Variants in GABBR2 observed in about 807,000 individuals in gnomAD.
The protein encoded by GABBR2 is G-protein coupled receptor 51.
A neutral mutation model predicts 105.6 loss-of-function variants in GABBR2; 23 were observed. The ratio of observed to expected loss-of-function variants is 0.22; its 90% CI spans 0.16 to 0.31. GABBR2 has a LOEUF of 0.31. Ranked by LOEUF, GABBR2 falls within the 10% of genes least tolerant of loss-of-function variation. GABBR2 has a pLI of 1.00. For synonymous variants in GABBR2, 478 were observed against 499.7 expected, an observed-to-expected ratio of 0.96 and a Z score of 0.58; for missense variants, 734 against 1,245.5, an observed-to-expected ratio of 0.59 and a Z score of 6.18.
chr9:98,464,819 C>A (rs1266301309), intron 6 of GABBR2, among the ~76,000 whole-genome samples: 3 of 152,024 alleles, frequency 2.0e-5, no homozygotes, highest in Admixed American at 1.3e-4. Flanking sequence ...TAACCTTACC[C>A]CCAACCCCGT....
At chr9:98,340,819 T>C (rs1037200384) in intron 13 of GABBR2, among the ~76,000 whole-genome samples, 2 of 152,238 alleles carry the variant, frequency 1.3e-5, no homozygotes, top group African/African-American at 2.4e-5. Flanking sequence ...TCTGCCAACA[T>C]GGATGTGTGG....
intron 1 of GABBR2, among the ~76,000 whole-genome samples, chr9:98,692,960 A>G (rs191938312): frequency 6.6e-6 from 1 of 152,294 alleles, no homozygotes; most frequent in Admixed American, 6.5e-5. Flanking sequence ...TATTCCTTGG[A>G]ATGCTCAAAG....
At chr9:98,495,580 C>T (rs995711790) in intron 4 of GABBR2, among the ~76,000 whole-genome samples, 13 of 152,178 alleles carry the variant, frequency 8.5e-5, no homozygotes, top group African/African-American at 3.1e-4. Flanking sequence ...CTACCCCACT[C>T]CAGGTACTTC....
chr9:98,688,929 C>G (rs1469860707), intron 1 of GABBR2, among the ~76,000 whole-genome samples: 1 of 152,120 alleles, frequency 6.6e-6, no homozygotes, highest in African/African-American at 2.4e-5. Context: ...CCGATCTGAG[C>G]CAGATATTGA....
intron 11 of GABBR2, among the ~76,000 whole-genome samples, chr9:98,380,820 A>G (rs1831960345): frequency 6.6e-6 from 1 of 152,218 alleles, no homozygotes; most frequent in Non-Finnish European, 1.5e-5. Context: ...TCGTCCGAGC[A>G]GAGGTGTAGC....
chr9:98,664,939 A>C (rs1157691867), intron 1 of GABBR2, among the ~76,000 whole-genome samples: 1 of 151,766 alleles, frequency 6.6e-6, no homozygotes, highest in Non-Finnish European at 1.5e-5. Context: ...CAGACTGGGC[A>C]ACATAGTGAG....
intron 1 of GABBR2, among the ~76,000 whole-genome samples, chr9:98,695,433 A>G (rs1171349795): frequency 6.6e-6 from 1 of 152,178 alleles, no homozygotes; most frequent in Non-Finnish European, 1.5e-5. Flanking sequence ...CTGAGCTCTC[A>G]GCGCACCTCA....
intron 2 of GABBR2, among the ~76,000 whole-genome samples, chr9:98,574,268 G>T (rs1828879313): frequency 6.6e-6 from 1 of 152,228 alleles, no homozygotes; most frequent in African/African-American, 2.4e-5. Context: ...GAGCTAATTT[G>T]TGTGATCCAC....
chr9:98,580,910 G>T (rs1319981999), intron 1 of GABBR2, among the ~76,000 whole-genome samples: 1 of 151,204 alleles, frequency 6.6e-6, no homozygotes, highest in African/African-American at 2.4e-5. Flanking sequence ...ATTTTTTTCT[G>T]CTTGTTCTCC....
intron 1 of GABBR2, among the ~76,000 whole-genome samples, chr9:98,586,506 A>G (rs1023121289): frequency 6.6e-6 from 1 of 151,888 alleles, no homozygotes; most frequent in African/African-American, 2.4e-5. Flanking sequence ...TGCCATGTTG[A>G]CCAGGCTGGT....
At chr9:98,688,070 T>C (rs1436754568) in intron 1 of GABBR2, among the ~76,000 whole-genome samples, 1 of 152,152 alleles carries the variant, frequency 6.6e-6, no homozygotes, top group Non-Finnish European at 1.5e-5. Context: ...TCAGCTCCCC[T>C]GCCCTCCAGA....
intron 13 of GABBR2, among the ~76,000 whole-genome samples, chr9:98,319,526 C>T (rs1239179299): frequency 4.0e-5 from 6 of 151,452 alleles, no homozygotes; most frequent in Admixed American, 6.6e-5. Flanking sequence ...TCAACATGGG[C>T]ACTTCCAGCC....
chr9:98,615,219 G>A (rs1829563388), intron 1 of GABBR2, among the ~76,000 whole-genome samples: 1 of 152,104 alleles, frequency 6.6e-6, no homozygotes. Context: ...TAGAGCACAC[G>A]GTCAATGCAG....
intron 3 of GABBR2, among the ~76,000 whole-genome samples, chr9:98,499,085 T>C (rs1453928411): frequency 6.6e-6 from 1 of 152,190 alleles, no homozygotes; most frequent in Non-Finnish European, 1.5e-5. Context: ...GACTCAAGGC[T>C]CAGCAAAAAC....
intron 2 of GABBR2, 70 bp from the exon 3 acceptor site, chr9:98,542,113 C>T: frequency 7.5e-7 from 1 of 1,327,410 alleles, no homozygotes; most frequent in Non-Finnish European, 1.1e-6. Context: ...ATCTTTCCTA[C>T]TGGAATAGAG....
At chr9:98,433,151 T>A (rs1468012830) in intron 7 of GABBR2, among the ~76,000 whole-genome samples, 7 of 152,222 alleles carry the variant, frequency 4.6e-5, no homozygotes, top group Non-Finnish European at 1.0e-4. Flanking sequence ...GAACAGGGAA[T>A]TTTGTGTACG....
At chr9:98,593,588 C>T (rs1042098025) in intron 1 of GABBR2, among the ~76,000 whole-genome samples, 3 of 152,180 alleles carry the variant, frequency 2.0e-5, no homozygotes, top group Admixed American at 2.0e-4. Context: ...CCAGGGGACA[C>T]TGCTGAGTCC....
intron 7 of GABBR2, among the ~76,000 whole-genome samples, chr9:98,440,684 C>T (rs1826015669): frequency 6.6e-6 from 1 of 152,196 alleles, no homozygotes. Context: ...AGAAAGTGGA[C>T]ACTTCCAAGT....
chr9:98,606,836 G>A (rs1157760094), intron 1 of GABBR2: 10 of 441,722 alleles, frequency 2.3e-5, no homozygotes, highest in Admixed American at 1.4e-4. Context: ...CAAACAGTGC[G>A]AGAGCCACTG....
Sources: allele counts gnomAD v4.1 joint callset (sites outside exome capture counted in the v4.1 genomes callset), GRCh38; gene constraint gnomAD v4.1.1; transcripts MANE v1.5; gene names NCBI Gene and HGNC (gene_info 2026-07-23, HGNC 2026-07-21).